Variants in BTBD9 observed in about 807,000 individuals in gnomAD.
BTBD9 encodes the protein BTB domain containing 9, also known as BTB/POZ domain-containing protein 9.
A neutral mutation model predicts 64.3 loss-of-function variants in BTBD9; 49 were observed. The ratio of observed to expected loss-of-function variants is 0.76; its 90% CI spans 0.61 to 0.97. The LOEUF is 0.97. BTBD9 is among the 50% of genes least tolerant of loss of function. The pLI, the probability that BTBD9 is intolerant of heterozygous loss-of-function variation, is 0.00. For synonymous variants in BTBD9, 260 were observed against 274.7 expected, an observed-to-expected ratio of 0.95 and a Z score of 0.53; for missense variants, 598 against 762.1, an observed-to-expected ratio of 0.78 and a Z score of 2.53.
At chr6:38,507,291 AAC>A (rs1449496122) in intron 6 of BTBD9, among the ~76,000 whole-genome samples, 2 of 152,242 alleles carry the variant, frequency 1.3e-5, no homozygotes, top group Non-Finnish European at 2.9e-5. Flanking sequence ...CTCAGCATGT[AAC>A]ACAGAGTGTG....
intron 8 of BTBD9, among the ~76,000 whole-genome samples, chr6:38,267,112 G>C (rs527536294): frequency 2.6e-4 from 39 of 152,356 alleles, no homozygotes; most frequent in African/African-American, 8.9e-4. Flanking sequence ...AAATGCCGAG[G>C]TCCTGCCCAG....
At chr6:38,471,395 C>A (rs140869683) in intron 6 of BTBD9, among the ~76,000 whole-genome samples, 1 of 152,130 alleles carries the variant, frequency 6.6e-6, no homozygotes, top group Non-Finnish European at 1.5e-5. Context: ...GAATCCGACC[C>A]ACTAGGACCT....
chr6:38,598,851 AG>A lies in BTBD9; in HGVS notation c.-27-731del, dbSNP rs537381640. Among the ~76,000 whole-genome samples, 243 of 152,178 alleles carry A rather than the reference AG, an allele frequency of 1.6e-3. 3 individuals carry two copies. Among genetic ancestry groups the A allele is most frequent in the African/African-American group, 5.7e-3 (237 of 41,518 alleles). ...AGAATCGTTTGAACCCAGGAGGCGG[AG>A]GTTGCTGTGAGTCGAGATGGCGCCA... On this transcript the variant is annotated intron_variant, in intron 1 of 10. Coordinates refer to ENST00000481247, the MANE Select transcript of BTBD9 (RefSeq NM_001099272.2).
At chr6:38,509,347 G>A (rs1328584206) in intron 6 of BTBD9, among the ~76,000 whole-genome samples, 2 of 152,182 alleles carry the variant, frequency 1.3e-5, no homozygotes, top group African/African-American at 2.4e-5. Context: ...GCTAAACAAT[G>A]TTCTCTTTGC....
chr6:38,441,429 T>C (rs1769026014), intron 6 of BTBD9, among the ~76,000 whole-genome samples: 1 of 152,092 alleles, frequency 6.6e-6, no homozygotes, highest in Non-Finnish European at 1.5e-5. Context: ...CTAGGAGATG[T>C]TTTTGTTTTA....
intron 7 of BTBD9, among the ~76,000 whole-genome samples, chr6:38,333,447 C>T (rs890542104): frequency 6.6e-6 from 1 of 152,100 alleles, no homozygotes; most frequent in Non-Finnish European, 1.5e-5. Flanking sequence ...AATCTGTTTC[C>T]CCACCCAAAT....
intron 6 of BTBD9, among the ~76,000 whole-genome samples, chr6:38,476,395 C>T (rs1449222141): frequency 2.6e-5 from 4 of 152,168 alleles, no homozygotes; most frequent in African/African-American, 9.7e-5. Flanking sequence ...TTCACAACTC[C>T]AGGAAGACAT....
At chr6:38,395,195 T>A (rs1411266695) in intron 6 of BTBD9, among the ~76,000 whole-genome samples, 1 of 151,396 alleles carries the variant, frequency 6.6e-6, no homozygotes, top group South Asian at 2.1e-4. Context: ...CTTTGGGAGG[T>A]TGAGGTGGGA....
chr6:38,506,029 C>T (rs1053086450), intron 6 of BTBD9, among the ~76,000 whole-genome samples: 29 of 145,128 alleles, frequency 2.0e-4, no homozygotes, highest in Non-Finnish European at 4.1e-4. Context: ...AATTGTGCTG[C>T]AACTCTGGGT....
intron 6 of BTBD9, among the ~76,000 whole-genome samples, chr6:38,384,415 T>A (rs973563384): frequency 1.3e-5 from 2 of 152,160 alleles, no homozygotes; most frequent in East Asian, 1.9e-4. Flanking sequence ...CAGATATAAA[T>A]CCCTTTTTAT....
At chr6:38,227,650 AT>A (rs199595438) in intron 9 of BTBD9, among the ~76,000 whole-genome samples, 1,657 of 152,344 alleles carry the variant, frequency 0.011, 10 homozygotes, top group Non-Finnish European at 0.016. Context: ...TCACGGCTGC[AT>A]ATCTAGAAAG....
At chr6:38,617,043 G>A (rs1582723611) in intron 1 of BTBD9, among the ~76,000 whole-genome samples, 1 of 152,060 alleles carries the variant, frequency 6.6e-6, no homozygotes, top group Non-Finnish European at 1.5e-5. Flanking sequence ...TAGAATTCAG[G>A]GGCTAAACAC....
chr6:38,272,488 G>A (rs191429617), intron 8 of BTBD9, among the ~76,000 whole-genome samples: 21 of 152,236 alleles, frequency 1.4e-4, no homozygotes, highest in African/African-American at 5.1e-4. Context: ...CATTTTAACA[G>A]AACTACTCAT....
chr6:38,238,404 T>C (rs935727212), intron 9 of BTBD9, among the ~76,000 whole-genome samples: 2 of 152,086 alleles, frequency 1.3e-5, no homozygotes, highest in Admixed American at 6.5e-5. Flanking sequence ...TGATTGGCAA[T>C]TGGTTGAGAG....
chr6:38,175,677 C>T (rs144288540), intron 10 of BTBD9, among the ~76,000 whole-genome samples: 3 of 152,298 alleles, frequency 2.0e-5, no homozygotes, highest in Non-Finnish European at 2.9e-5. Context: ...TTTTCTCCCG[C>T]GTCCCAAAGC....
chr6:38,273,506 A>C (rs1765264565), intron 8 of BTBD9, among the ~76,000 whole-genome samples: 1 of 152,160 alleles, frequency 6.6e-6, no homozygotes, highest in African/African-American at 2.4e-5. Flanking sequence ...AGTAGAGATA[A>C]TGACATGCAA....
chr6:38,634,586 G>A (rs866291183), intron 1 of BTBD9, among the ~76,000 whole-genome samples: 11 of 149,244 alleles, frequency 7.4e-5, no homozygotes, highest in Non-Finnish European at 1.0e-4. Flanking sequence ...TAAAAAAAAA[G>A]GGGGGGGAGA....
chr6:38,387,463 G>C (rs1766228242), intron 6 of BTBD9, among the ~76,000 whole-genome samples: 1 of 152,182 alleles, frequency 6.6e-6, no homozygotes, highest in South Asian at 2.1e-4. Context: ...CTTGAGCCTG[G>C]GAGGCAGAGG....
intron 6 of BTBD9, among the ~76,000 whole-genome samples, chr6:38,567,816 C>T (rs1417439439): frequency 6.6e-6 from 1 of 152,158 alleles, no homozygotes; most frequent in Non-Finnish European, 1.5e-5. Flanking sequence ...CTTGTACTCA[C>T]AGTCTTCTTT....
Sources: gnomAD v4.1 joint callset for allele counts (sites outside exome capture counted in the v4.1 genomes callset) on GRCh38, gnomAD v4.1.1 for gene constraint, MANE v1.5 for transcripts, NCBI Gene and HGNC (gene_info 2026-07-23, HGNC 2026-07-21) for gene names.